The following FSCN1 variants were observed in gnomAD, a reference collection of about 807,000 sequenced individuals.
FSCN1 encodes the protein fascin.
A neutral mutation model predicts 39.7 loss-of-function variants in FSCN1; 10 were observed. That is an observed-to-expected ratio of 0.25 (90% CI 0.16 to 0.43). The LOEUF is 0.43. FSCN1 is among the 20% of genes least tolerant of loss of function. The pLI is 1.00. For synonymous variants in FSCN1, 322 were observed against 320.0 expected, an observed-to-expected ratio of 1.01 and a Z score of -0.07; for missense variants, 525 against 723.8, an observed-to-expected ratio of 0.73 and a Z score of 3.15.
intron 1 of FSCN1, among the ~76,000 whole-genome samples, chr7:5,600,996 G>A (rs1195749379): frequency 1.6e-5 from 2 of 123,646 alleles, no homozygotes; most frequent in Non-Finnish European, 3.4e-5. Context: ...TCACCATGTT[G>A]GCCAGGCTGG....
At chr7:5,604,287 G>T (rs1483865905) in intron 4 of FSCN1, among the ~76,000 whole-genome samples, 1 of 151,724 alleles carries the variant, frequency 6.6e-6, no homozygotes, top group African/African-American at 2.4e-5. Context: ...AGCAGGGAGG[G>T]GAAGGAGAGC....
In FSCN1 at chr7:5,605,909, A is replaced by G; in HGVS notation, c.*435A>G. 1 of 169,946 alleles carries G rather than the reference A, an allele frequency of 5.9e-6. No homozygotes were observed. Among genetic ancestry groups the G allele is most frequent in the Non-Finnish European group, 1.3e-5 (1 of 78,444 alleles). 10.5% of individuals were successfully genotyped at this position (169,946 alleles called of 1,614,324 possible). On this transcript the variant is annotated 3_prime_UTR_variant, in exon 5 of 5. Transcript: ENST00000382361. The surrounding 1 kb of genome is among the most constrained non-coding windows in gnomAD (Gnocchi z 6.9). ...TCCCAGCCCCCCAGGAGAGCTGGGC[A>G]CATGTCCCAAGCCTGTCAGTGGCCC...
Position 5,605,178 on chromosome 7 carries a change from T to G in FSCN1, c.1280-94T>G. 1.1e-6 allele frequency: 1 copy of G among 894,428 alleles called. No individual in the cohort carries two copies. Among genetic ancestry groups the G allele is most frequent in the Non-Finnish European group, 1.8e-6 (1 of 557,034 alleles). The allele number at this position is 894,428 out of a possible 1,614,324, so 55.4% of individuals were successfully genotyped here. A position where few individuals can be genotyped will look rare whatever the true frequency, so the allele number is the denominator to read the frequency against. On this transcript the variant is annotated intron_variant, in intron 4 of 4. Coordinates refer to ENST00000382361, the MANE Select transcript of FSCN1 (RefSeq NM_003088.4). This position sits in a 1 kb window ranked among gnomAD's most constrained non-coding sequence, Gnocchi z 6.9. ...GGAGCCGGGACTGGAGGGTGGGGCG[T>G]CACCCTTGGGAACACCCGTGCCCAC...
At chr7:5,595,188 A>G (rs1300362668) in intron 1 of FSCN1, among the ~76,000 whole-genome samples, 1 of 152,258 alleles carries the variant, frequency 6.6e-6, no homozygotes, top group East Asian at 1.9e-4. Flanking sequence ...TGGGCTCTGC[A>G]GGAGGGGGAA....
chr7:5,594,045 ACC>A (rs758470979), intron 1 of FSCN1: 10,212 of 275,282 alleles, frequency 0.037, 269 homozygotes, highest in African/African-American at 0.086. Flanking sequence ...CACCCTCCTA[ACC>A]CCCCCCCCCG....
Position 5,593,287 on chromosome 7 carries a change from C to T in FSCN1, c.351C>T (p.Asp117=). 1.2e-6 allele frequency: 2 copies of T among 1,610,276 alleles called. No individual in the cohort carries two copies. The highest frequency in any genetic ancestry group is 1.7e-6 in the Non-Finnish European group (2 of 1,179,118). The change falls in exon 1 of 5, where the codon GAC becomes GAT. Residue 117 remains aspartate (D), a synonymous_variant. Coordinates refer to ENST00000382361, the MANE Select transcript of FSCN1 (RefSeq NM_003088.4). ...AHRRYFGGTE[D]RLSCFAQTVS... is the part of the protein sequence containing the mutation. ...GGCGCTACTTCGGCGGCACCGAGGACCGCCTGTCCTGCTTCGCGCAGACGG... is the reference window on the plus strand; with the variant it reads ...GGCGCTACTTCGGCGGCACCGAGGATCGCCTGTCCTGCTTCGCGCAGACGG...
intron 1 of FSCN1, among the ~76,000 whole-genome samples, chr7:5,596,044 C>T (rs1366758262): frequency 2.0e-5 from 3 of 148,620 alleles, no homozygotes; most frequent in Non-Finnish European, 4.5e-5. Context: ...GGTGGGGGTA[C>T]TTGGGGGCCG....
intron 1 of FSCN1, among the ~76,000 whole-genome samples, chr7:5,602,129 C>T (rs1302904681): frequency 6.6e-6 from 1 of 151,798 alleles, no homozygotes; most frequent in Non-Finnish European, 1.5e-5. Flanking sequence ...TGGTCTCAAA[C>T]TCCCGACCTC....
rs1584306455 is a variant in FSCN1 at position 5,606,138 on chromosome 7, G to C, written c.*664G>C. The C allele has an allele frequency of 6.6e-6, 1 of 152,344 alleles. No individual in the cohort carries two copies. The highest frequency in any genetic ancestry group is 2.4e-5 in the African/African-American group (1 of 41,546). The allele number at this position is 152,344 out of a possible 1,614,324, so 9.4% of individuals were successfully genotyped here. A position where few individuals can be genotyped will look rare whatever the true frequency, so the allele number is the denominator to read the frequency against. On this transcript the variant is annotated 3_prime_UTR_variant, in exon 5 of 5. Transcript: ENST00000382361. The surrounding 1 kb of genome is among the most constrained non-coding windows in gnomAD (Gnocchi z 5.1). Reference sequence around the variant, plus strand: ...CCGCTGCACGTTCTGCCAAGGTGGTGGTGGCGGGCGGGTAGGGGTGTGGGG... The same window carrying C: ...CCGCTGCACGTTCTGCCAAGGTGGTCGTGGCGGGCGGGTAGGGGTGTGGGG...
intron 1 of FSCN1, chr7:5,594,493 T>C (rs1259550277): frequency 6.6e-6 from 1 of 152,306 alleles, no homozygotes; most frequent in Non-Finnish European, 1.5e-5. Flanking sequence ...CCCTTTGTCC[T>C]GCTCCATCTC....
chr7:5,600,369 G>A (rs899029458), intron 1 of FSCN1, among the ~76,000 whole-genome samples: 8 of 151,852 alleles, frequency 5.3e-5, no homozygotes, highest in African/African-American at 1.2e-4. Flanking sequence ...AGGCGAGATC[G>A]TGCCATTGCA....
chr7:5,598,683 G>T (rs1785773109), intron 1 of FSCN1, among the ~76,000 whole-genome samples: 1 of 152,206 alleles, frequency 6.6e-6, no homozygotes, highest in South Asian at 2.1e-4. Flanking sequence ...TGGGGAACCT[G>T]GAGCCCCTGA....
intron 1 of FSCN1, among the ~76,000 whole-genome samples, chr7:5,601,143 A>G (rs1785822603): frequency 6.6e-6 from 1 of 151,228 alleles, no homozygotes; most frequent in South Asian, 2.1e-4. Context: ...CATACAGAAA[A>G]CAGTATGCAA....
At chr7:5,598,821 C>T (rs1423306633) in intron 1 of FSCN1, among the ~76,000 whole-genome samples, 1 of 152,218 alleles carries the variant, frequency 6.6e-6, no homozygotes, top group Non-Finnish European at 1.5e-5. Context: ...ATCAGCGGGG[C>T]TTCAGCGGAG....
chr7:5,593,782 C>T lies in FSCN1; in HGVS notation c.832+14C>T. 1.3e-6 allele frequency: 2 copies of T among 1,484,610 alleles called. No individual in the cohort carries two copies. Among genetic ancestry groups the T allele is most frequent in the South Asian group, 1.2e-5 (1 of 82,854 alleles). 92.0% of individuals were successfully genotyped at this position (1,484,610 alleles called of 1,614,324 possible). A position where few individuals can be genotyped will look rare whatever the true frequency, so the allele number is the denominator to read the frequency against. ...CCACGCGCCAGGGTGAGTGGGGACG[C>T]TGCCCCCGCCTCTCCTGGTCCGTGC... is the stretch of plus-strand genomic sequence containing the variant. On this transcript the variant is annotated intron_variant, in intron 1 of 4. Transcript: ENST00000382361.
At position 5,605,131 on chromosome 7, in the gene FSCN1, C is replaced by T; in HGVS notation, c.1280-141C>T. ...ATCATGGACAGGAGGACGTGCGGGC[C>T]ATAGGGACCCTGGCTCATTCCGGAG... On this transcript the variant is annotated intron_variant, in intron 4 of 4. Coordinates refer to ENST00000382361, the MANE Select transcript of FSCN1 (RefSeq NM_003088.4). This position sits in a 1 kb window ranked among gnomAD's most constrained non-coding sequence, Gnocchi z 6.9. 1.5e-6 allele frequency: 1 copy of T among 649,108 alleles called. No individual in the cohort carries two copies. The highest frequency in any genetic ancestry group is 4.3e-4 in the Middle Eastern group (1 of 2,316). The allele number at this position is 649,108 out of a possible 1,614,324, so 40.2% of individuals were successfully genotyped here. A position where few individuals can be genotyped will look rare whatever the true frequency, so the allele number is the denominator to read the frequency against.
intron 1 of FSCN1, among the ~76,000 whole-genome samples, chr7:5,602,548 T>G (rs1015646630): frequency 6.6e-6 from 1 of 152,108 alleles, no homozygotes; most frequent in African/African-American, 2.4e-5. Context: ...CATCCCAAAA[T>G]ACTTCCATCT....
At chr7:5,604,130 CTTGGCT>C in intron 4 of FSCN1, 100 bp downstream of exon 4, 1 of 1,187,448 alleles carries the variant, frequency 8.4e-7, no homozygotes, top group South Asian at 1.4e-5. Context: ...TGGACCCTGG[CTTGGCT>C]CAGGGCCATT....
intron 1 of FSCN1, among the ~76,000 whole-genome samples, chr7:5,597,310 A>G (rs112633862): frequency 0.027 from 4,154 of 152,314 alleles, 74 homozygotes; most frequent in South Asian, 0.047. Flanking sequence ...TTGAGGCTGC[A>G]GTGAGCCGAG....
Sources: gnomAD v4.1 joint callset for allele counts (sites outside exome capture counted in the v4.1 genomes callset) on GRCh38, gnomAD v4.1.1 for gene constraint, Gnocchi (gnomAD v3.1) non-coding constraint, MANE v1.5 for transcripts, NCBI Gene and HGNC (gene_info 2026-07-23, HGNC 2026-07-21) for gene names.